Variants in CUBN observed in about 807,000 individuals in gnomAD.
CUBN encodes cubilin.
CUBN carries 282 observed loss-of-function variants against 405.3 expected under a neutral mutation model. The observed-to-expected ratio is 0.70, with a 90% CI of 0.63 to 0.77. The LOEUF (loss-of-function observed/expected upper bound fraction) is 0.77, where lower values mean the gene tolerates loss of function less well. Among genes scored for constraint, CUBN ranks in the 30% least tolerant of loss-of-function variants. The pLI is 0.00. For missense variants in CUBN, 4,514 were observed against 4,475.2 expected (o/e 1.01, Z -0.25); for synonymous variants, 1,684 against 1,617.0 (o/e 1.04, Z -0.99).
At chr10:16,969,804 T>C (rs1843501747) in intron 31 of CUBN, among the ~76,000 whole-genome samples, 1 of 152,170 alleles carries the variant, frequency 6.6e-6, no homozygotes, top group Admixed American at 6.5e-5. Flanking sequence ...AGAAGAGCTT[T>C]CTATTGTATT....
At chr10:17,030,491 T>C (rs985415064) in intron 27 of CUBN, among the ~76,000 whole-genome samples, 4 of 152,174 alleles carry the variant, frequency 2.6e-5, no homozygotes, top group African/African-American at 7.2e-5. Flanking sequence ...GTAATGCAGG[T>C]AGTATTGTTA....
At chr10:16,934,686 CAT>C (rs952126851) in intron 39 of CUBN, among the ~76,000 whole-genome samples, 63 of 152,130 alleles carry the variant, frequency 4.1e-4, no homozygotes, top group African/African-American at 1.4e-3. Context: ...TGAGAGAGGC[CAT>C]TTGACCAGTT....
chr10:16,948,185 G>A (rs1219922394), intron 35 of CUBN, among the ~76,000 whole-genome samples: 2 of 152,250 alleles, frequency 1.3e-5, no homozygotes, highest in Non-Finnish European at 2.9e-5. Flanking sequence ...CTCCAACCTG[G>A]GCGACCAAGT....
At chr10:16,932,835 C>T (rs1308576249) in intron 40 of CUBN, among the ~76,000 whole-genome samples, 3 of 152,126 alleles carry the variant, frequency 2.0e-5, no homozygotes, top group African/African-American at 7.2e-5. Flanking sequence ...CTATTCTTTC[C>T]TTCTTAAGCC....
intron 13 of CUBN, among the ~76,000 whole-genome samples, chr10:17,102,595 CTTTTTTTTTTTTT>C (rs11357524): frequency 3.2e-5 from 2 of 63,144 alleles, no homozygotes; most frequent in Middle Eastern, 0.013. Flanking sequence ...CCTTGTTACT[CTTTTTTTTTTTTT>C]TTTTTTTTTT....
intron 27 of CUBN, among the ~76,000 whole-genome samples, chr10:17,022,568 C>T: frequency 6.6e-6 from 1 of 152,170 alleles, no homozygotes; most frequent in East Asian, 1.9e-4. Context: ...AGAAGCTTTT[C>T]ACCTTAGCGT....
chr10:16,870,739 G>C (rs115733224), intron 58 of CUBN, among the ~76,000 whole-genome samples: 52 of 152,172 alleles, frequency 3.4e-4, no homozygotes, highest in Non-Finnish European at 6.2e-4. Flanking sequence ...TCATTACAAT[G>C]AGAAATCAAC....
intron 50 of CUBN, among the ~76,000 whole-genome samples, 157 bp from the exon 51 acceptor site, chr10:16,904,272 C>T (rs1841494416): frequency 6.6e-6 from 1 of 152,190 alleles, no homozygotes; most frequent in Non-Finnish European, 1.5e-5. Context: ...TCTCTGTTAA[C>T]TGCAACAGAA....
chr10:16,969,731 T>C (rs1220656250), intron 31 of CUBN, among the ~76,000 whole-genome samples: 2 of 152,152 alleles, frequency 1.3e-5, no homozygotes, highest in African/African-American at 4.8e-5. Context: ...CCAAGAGTAA[T>C]GGCTGTTACA....
chr10:16,890,644 C>G, intron 54 of CUBN, 117 bp from the exon 55 acceptor site: 4 of 995,422 alleles, frequency 4.0e-6, no homozygotes, highest in Non-Finnish European at 6.4e-6. Flanking sequence ...TAAGAGTAAA[C>G]AAAACATGGA....
At chr10:17,021,654 A>G (rs1359118308) in intron 27 of CUBN, among the ~76,000 whole-genome samples, 1 of 152,232 alleles carries the variant, frequency 6.6e-6, no homozygotes, top group Non-Finnish European at 1.5e-5. Flanking sequence ...TTGAAAAAAA[A>G]TGTTATGACA....
intron 59 of CUBN, among the ~76,000 whole-genome samples, chr10:16,855,936 T>C (rs1305716106): frequency 6.6e-6 from 1 of 152,174 alleles, no homozygotes; most frequent in Non-Finnish European, 1.5e-5. Flanking sequence ...AACTGCTCCA[T>C]GCAAAATGAA....
intron 9 of CUBN, among the ~76,000 whole-genome samples, chr10:17,110,388 C>G (rs1208156327): frequency 2.0e-5 from 3 of 152,164 alleles, no homozygotes; most frequent in Admixed American, 6.6e-5. Flanking sequence ...AGCTATTTGA[C>G]AGTTTGTAAA....
rs1330953822 is a variant in CUBN at position 17,038,879 on chromosome 10, C to T, written c.4017+2154G>A. 2.6e-5 allele frequency among the ~76,000 whole-genome samples: 4 copies of T among 152,240 alleles called. No homozygotes were observed. The East Asian group carries it at 5.8e-4, about 22-fold the overall frequency. ...TCATTTTGTATTTTTGCTCTTTCAC[C>T]GTCAATGTTGCACAAGAGAAATGGC... On this transcript the variant is annotated intron_variant, in intron 27 of 66. Transcript: ENST00000377833.
chr10:16,861,565 T>C (rs1220739168), intron 59 of CUBN, among the ~76,000 whole-genome samples: 1 of 152,010 alleles, frequency 6.6e-6, no homozygotes, highest in Non-Finnish European at 1.5e-5. Flanking sequence ...CTGAACCCTA[T>C]AAGGTCATTA....
intron 17 of CUBN, among the ~76,000 whole-genome samples, chr10:17,074,912 T>G (rs1588626151): frequency 1.3e-5 from 2 of 152,202 alleles, no homozygotes. Flanking sequence ...TAAAAAGTCT[T>G]AAATTGTAGA....
rs1243565121 is a variant in CUBN, at chr10:16,952,311, T to C, written c.4934A>G (p.Gln1645Arg). 3.7e-6 allele frequency: 6 copies of C among 1,613,952 alleles called. No homozygotes were observed. In the Admixed American group the frequency reaches 8.3e-5, roughly 22 times the overall value. ...CGCTTGAATGATCCAGCTGCAGTTC[T>C]GATTGTTTGGATAATTGGCAGGGAA... ...PRFPANYPNN[Q>R]NCSWIIQAQP... Residue 1645 changes from glutamine to arginine, a missense_variant, in exon 33 of 67, where the codon CAG (glutamine) becomes CGG (arginine). Coordinates refer to ENST00000377833, the MANE Select transcript of CUBN (RefSeq NM_001081.4).
At chr10:16,849,724 CT>C (rs1839626259) in intron 60 of CUBN, among the ~76,000 whole-genome samples, 1 of 152,150 alleles carries the variant, frequency 6.6e-6, no homozygotes, top group African/African-American at 2.4e-5. Context: ...GGCTGCACCC[CT>C]GATCCAGGTC....
chr10:16,959,291 TATA>T (rs754156565), intron 31 of CUBN, among the ~76,000 whole-genome samples: 18 of 152,200 alleles, frequency 1.2e-4, no homozygotes, highest in Non-Finnish European at 2.6e-4. Context: ...GATTTTGAAA[TATA>T]AATTCTTTCA....
Sources: gnomAD v4.1 joint callset for allele counts (sites outside exome capture counted in the v4.1 genomes callset) on GRCh38, gnomAD v4.1.1 for gene constraint, MANE v1.5 for transcripts, NCBI Gene and HGNC (gene_info 2026-07-23, HGNC 2026-07-21) for gene names.